Variants in IMPG2 observed in about 807,000 individuals in gnomAD.
IMPG2 encodes IPM 200.
IMPG2 carries 91 observed loss-of-function variants against 129.2 expected under a neutral mutation model. That is an observed-to-expected ratio of 0.70 (90% CI 0.59 to 0.84). The LOEUF (loss-of-function observed/expected upper bound fraction) is 0.84. IMPG2 is among the 40% of genes least tolerant of loss of function. IMPG2 has a pLI of 0.00. For synonymous variants in IMPG2, 510 were observed against 517.7 expected (o/e 0.99, Z 0.20); for missense variants, 1,430 against 1,461.7 (o/e 0.98, Z 0.35).
intron 14 of IMPG2, among the ~76,000 whole-genome samples, chr3:101,235,005 A>G (rs191005414): frequency 5.6e-4 from 86 of 152,382 alleles, no homozygotes; most frequent in African/African-American, 2.0e-3. Context: ...ACACACGTCT[A>G]CACAAAAAAC....
intron 15 of IMPG2, among the ~76,000 whole-genome samples, 195 bp from the exon 16 acceptor site, chr3:101,231,340 T>C (rs1706284301): frequency 6.6e-6 from 1 of 152,262 alleles, no homozygotes; most frequent in Admixed American, 6.5e-5. Flanking sequence ...ACAGACCTAG[T>C]AGGTCCTCAA....
At chr3:101,229,307 C>CCCCCCCCCCCCCGCT in intron 17 of IMPG2, 73 bp downstream of exon 17, 1 of 797,472 alleles carries the variant, frequency 1.3e-6, no homozygotes, top group South Asian at 1.3e-5. Flanking sequence ...CACACCCCCA[C>CCCCCCCCCCCCCGCT]CCACCACCCC....
chr3:101,248,721 G>A (rs770360120), intron 11 of IMPG2, among the ~76,000 whole-genome samples: 3 of 152,118 alleles, frequency 2.0e-5, no homozygotes, highest in Non-Finnish European at 4.4e-5. Flanking sequence ...AAAACTAAAA[G>A]CACTCTGTCT....
chr3:101,278,346 G>A (rs1358374276), intron 4 of IMPG2, among the ~76,000 whole-genome samples: 1 of 152,106 alleles, frequency 6.6e-6, no homozygotes, highest in Non-Finnish European at 1.5e-5. Flanking sequence ...TCTGTGATGT[G>A]CCCAGTAAGT....
At chr3:101,253,118 G>A (rs1330670723) in intron 11 of IMPG2, among the ~76,000 whole-genome samples, 1 of 152,034 alleles carries the variant, frequency 6.6e-6, no homozygotes, top group Non-Finnish European at 1.5e-5. Flanking sequence ...GCATCTGGGT[G>A]GTAAGAACAA....
chr3:101,269,123 A>T (rs994486227), intron 8 of IMPG2, among the ~76,000 whole-genome samples: 2 of 152,226 alleles, frequency 1.3e-5, no homozygotes, highest in African/African-American at 4.8e-5. Context: ...GGACTAATGC[A>T]TCCCTTCCAG....
chr3:101,259,455 G>A (rs566296609), intron 9 of IMPG2, among the ~76,000 whole-genome samples: 8 of 151,396 alleles, frequency 5.3e-5, no homozygotes, highest in Admixed American at 1.3e-4. Flanking sequence ...TTTAGCCTTC[G>A]TTGTTTTGTA....
chr3:101,267,694 A>G (rs1706734899), intron 8 of IMPG2, among the ~76,000 whole-genome samples, 163 bp from the exon 9 acceptor site: 1 of 152,230 alleles, frequency 6.6e-6, no homozygotes. Context: ...GAAGTGAGCA[A>G]AGGTGAAAAA....
chr3:101,249,649 G>A (rs1051041433), intron 11 of IMPG2, among the ~76,000 whole-genome samples: 17 of 152,130 alleles, frequency 1.1e-4, no homozygotes, highest in African/African-American at 3.6e-4. Flanking sequence ...GACATGAAAT[G>A]TATGAGAGAA....
chr3:101,233,199 A>C (rs1706309325), intron 14 of IMPG2, among the ~76,000 whole-genome samples: 1 of 152,186 alleles, frequency 6.6e-6, no homozygotes. Flanking sequence ...TGCAACTCAG[A>C]GCCAAATCAT....
chr3:101,300,565 T>C (rs1397643533), intron 3 of IMPG2, among the ~76,000 whole-genome samples: 1 of 152,228 alleles, frequency 6.6e-6, no homozygotes, highest in African/African-American at 2.4e-5. Context: ...GTTGCACAGT[T>C]CCGTGGAAAA....
At chr3:101,280,041 A>G (rs1032692305) in intron 4 of IMPG2, among the ~76,000 whole-genome samples, 3 of 152,224 alleles carry the variant, frequency 2.0e-5, no homozygotes, top group Admixed American at 6.5e-5. Context: ...GAGAAATACT[A>G]CTTAATTTCT....
At chr3:101,279,009 C>G (rs187411790) in intron 4 of IMPG2, among the ~76,000 whole-genome samples, 2 of 152,206 alleles carry the variant, frequency 1.3e-5, no homozygotes, top group Admixed American at 6.5e-5. Context: ...CATAATCAGG[C>G]CTGAATAGGG....
intron 14 of IMPG2, among the ~76,000 whole-genome samples, chr3:101,233,389 C>CTCCACTCTA (rs1706311855): frequency 6.6e-6 from 1 of 152,154 alleles, no homozygotes; most frequent in Admixed American, 6.5e-5. Flanking sequence ...TGCAGTTGAC[C>CTCCACTCTA]TCCACTCTAC....
chr3:101,293,158 G>C (rs949410148), intron 3 of IMPG2, among the ~76,000 whole-genome samples: 2 of 152,100 alleles, frequency 1.3e-5, no homozygotes, highest in Non-Finnish European at 2.9e-5. Flanking sequence ...ATCCTTTCCT[G>C]AAGATTTTCA....
chr3:101,273,549 C>T lies in IMPG2; in HGVS notation c.828+32G>A, dbSNP rs778222271. 37 of 1,607,642 alleles carry T rather than the reference C, an allele frequency of 2.3e-5. No individual in the cohort carries two copies. In the Admixed American group the frequency reaches 3.7e-4, roughly 16 times the overall value. On this transcript the variant is annotated intron_variant, in intron 7 of 18. Coordinates refer to ENST00000193391, the MANE Select transcript of IMPG2 (RefSeq NM_016247.4). ...ATAGGAAACTAACATAGCAGGCATA[C>T]TGCCTTGTTTGTTTTTTTTTTAATC...
chr3:101,243,797 A>G lies in IMPG2; in HGVS notation c.2534T>C (p.Ile845Thr), dbSNP rs1706437135. The change falls in exon 13 of 19, where the codon ATA (isoleucine) becomes ACA (threonine). Residue 845 changes from isoleucine (I) to threonine (T), a missense_variant. By Grantham distance (89) the Ile-to-Thr change is moderately conservative. Transcript: ENST00000193391. ...CTCAGGCTGATAGTAATCTGTGCCT[A>G]TCCGGTCCAGTTCTAACGAAATATC... ...VQDISLELDR[I>T]GTDYYQPEQV... 2 of 1,614,156 alleles carry G rather than the reference A, an allele frequency of 1.2e-6. No individual in the cohort carries two copies. Among genetic ancestry groups the G allele is most frequent in the Non-Finnish European group, 1.7e-6 (2 of 1,180,016 alleles).
intron 3 of IMPG2, among the ~76,000 whole-genome samples, chr3:101,303,501 C>A (rs1314945102): frequency 6.6e-6 from 1 of 152,030 alleles, no homozygotes; most frequent in Non-Finnish European, 1.5e-5. Context: ...GGGAGATATA[C>A]GGAATAACAA....
At chr3:101,233,764 G>GT (rs1706316246) in intron 14 of IMPG2, among the ~76,000 whole-genome samples, 3 of 152,090 alleles carry the variant, frequency 2.0e-5, no homozygotes. Flanking sequence ...TCTGTGAATG[G>GT]TAAGTGGGCA....
Sources: allele counts gnomAD v4.1 joint callset (sites outside exome capture counted in the v4.1 genomes callset), GRCh38; gene constraint gnomAD v4.1.1; transcripts MANE v1.5; gene names NCBI Gene and HGNC (gene_info 2026-07-23, HGNC 2026-07-21).